TMED10: variants seen among roughly 807,000 people sequenced by gnomAD.
TMED10 encodes transmembrane emp24 domain-containing protein 10.
A neutral mutation model predicts 23.1 loss-of-function variants in TMED10; 7 were observed. The observed-to-expected ratio is 0.30, with a 90% confidence interval of 0.17 to 0.57. The LOEUF is 0.57. Among genes scored for constraint, TMED10 ranks in the 20% least tolerant of loss-of-function variants. TMED10 has a pLI of 0.91. For missense variants in TMED10, 162 were observed against 274.8 expected, an observed-to-expected ratio of 0.59 and a Z score of 2.90; for synonymous variants, 113 against 106.9, an observed-to-expected ratio of 1.06 and a Z score of -0.35.
At chr14:75,166,762 T>C (rs1454468808) in intron 1 of TMED10, among the ~76,000 whole-genome samples, 11 of 152,196 alleles carry the variant, frequency 7.2e-5, no homozygotes, top group African/African-American at 2.7e-4. Flanking sequence ...CCTTCTGTAC[T>C]GAACCATCTA....
chr14:75,146,256 C>T (rs1468821088), intron 3 of TMED10, among the ~76,000 whole-genome samples: 2 of 152,194 alleles, frequency 1.3e-5, no homozygotes, highest in South Asian at 2.1e-4. Flanking sequence ...AGGATTTGAA[C>T]AAGGAAAGAG....
chr14:75,133,050 AT>A lies in TMED10; in HGVS notation c.*1834del, dbSNP rs1459790036. The A allele has an allele frequency of 6.6e-6, 1 of 152,220 alleles. No homozygotes were observed. Among genetic ancestry groups the A allele is most frequent in the African/African-American group, 2.4e-5 (1 of 41,470 alleles). 9.4% of individuals were successfully genotyped at this position (152,220 alleles called of 1,614,324 possible). On this transcript the variant is annotated 3_prime_UTR_variant, in exon 5 of 5. Transcript: ENST00000303575. ...TACAGTGATTATTGGCTTTGCTTTC[AT>A]AACATGTATTTTTAAGTATTTACTC...
Position 75,150,367 on chromosome 14 carries a change from C to T in TMED10, c.337+1665G>A, listed in dbSNP as rs77443909. On this transcript the variant is annotated intron_variant, in intron 2 of 4. Coordinates refer to ENST00000303575, the MANE Select transcript of TMED10 (RefSeq NM_006827.6). ...CTTCCTCATTGAAAAAGTTGTGAAACTTAAGCAGTTCACAGCCCCACCTGG... is the reference window on the plus strand; with the variant it reads ...CTTCCTCATTGAAAAAGTTGTGAAATTTAAGCAGTTCACAGCCCCACCTGG... Among the ~76,000 whole-genome samples the T allele has an allele frequency of 2.9e-3, 447 of 152,266 alleles. 1 individual carries two copies. Among genetic ancestry groups the T allele is most frequent in the African/African-American group, 0.01 (433 of 41,538 alleles).
At chr14:75,153,777 C>CT (rs59328978) in intron 1 of TMED10, among the ~76,000 whole-genome samples, 54 of 131,756 alleles carry the variant, frequency 4.1e-4, no homozygotes, top group African/African-American at 9.9e-4. Context: ...TTTTTTTTCC[C>CT]TTTTTTTTTT....
intron 3 of TMED10, among the ~76,000 whole-genome samples, chr14:75,145,004 G>A (rs1895865358): frequency 6.6e-6 from 1 of 152,210 alleles, no homozygotes; most frequent in Non-Finnish European, 1.5e-5. Context: ...CCTTGCTGCA[G>A]ACTGAAGAAA....
chr14:75,143,240 T>C (rs1404156126), intron 3 of TMED10, among the ~76,000 whole-genome samples: 2 of 152,188 alleles, frequency 1.3e-5, no homozygotes, highest in Non-Finnish European at 2.9e-5. Context: ...TTACTGGTCA[T>C]GGTAGGTACT....
chr14:75,135,822 T>G lies in TMED10; in HGVS notation c.476A>C (p.Glu159Ala). Residue 159 changes from glutamate (E) to alanine (A), a missense_variant, in exon 4 of 5, where the codon GAA (glutamate) becomes GCA (alanine). Glu to Ala is a moderately radical substitution (Grantham distance 107, BLOSUM62 -1). Coordinates refer to ENST00000303575, the MANE Select transcript of TMED10 (RefSeq NM_006827.6). ...VELRRLEDLSESIVNDFAYMK... is the reference protein window; with the variant it reads ...VELRRLEDLSASIVNDFAYMK... The stretch of plus-strand genomic sequence containing the variant: ...GTAGGCAAAATCATTAACAATAGAT[T>G]CTGAAAGGTCTTCTAGGCGTCGCAG... 1.2e-6 allele frequency: 2 copies of G among 1,614,166 alleles called. No homozygotes were observed. The highest frequency in any genetic ancestry group is 1.7e-6 in the Non-Finnish European group (2 of 1,180,032).
At chr14:75,147,893 G>T in intron 2 of TMED10, 156 bp from the exon 3 acceptor site, 1 of 684,002 alleles carries the variant, frequency 1.5e-6, no homozygotes, top group Non-Finnish European at 2.5e-6. Context: ...AAAATTCCTG[G>T]CTCTGGCTAA....
intron 1 of TMED10, among the ~76,000 whole-genome samples, chr14:75,168,810 T>C (rs1254912704): frequency 6.6e-6 from 1 of 152,058 alleles, no homozygotes; most frequent in Non-Finnish European, 1.5e-5. Flanking sequence ...CAAAGATGAG[T>C]AAGACATTAA....
chr14:75,153,978 G>T (rs551758360), intron 1 of TMED10, among the ~76,000 whole-genome samples: 5 of 151,058 alleles, frequency 3.3e-5, no homozygotes, highest in Non-Finnish European at 7.4e-5. Context: ...CCCTGTGTTG[G>T]CCAGGATGGT....
chr14:75,160,906 T>C (rs1896077727), intron 1 of TMED10, among the ~76,000 whole-genome samples: 1 of 151,976 alleles, frequency 6.6e-6, no homozygotes, highest in Non-Finnish European at 1.5e-5. Flanking sequence ...TAGCCGGGCA[T>C]GGTGGCAGGC....
intron 2 of TMED10, among the ~76,000 whole-genome samples, chr14:75,151,663 T>TTCC (rs1895957418): frequency 6.6e-6 from 1 of 152,236 alleles, no homozygotes; most frequent in Non-Finnish European, 1.5e-5. Flanking sequence ...AGTGGTACAT[T>TTCC]CATTACAAAT....
Position 75,152,127 on chromosome 14 carries a change from C to T in TMED10, c.242G>A (p.Gly81Asp). ...ATCCTCTTTGGAGTAGAGAATATGG[C>T]CAGCAGAATCTGTGATCTAAAATAA... ...RSHLKITDSA[G>D]HILYSKEDAT... The change falls in exon 2 of 5, where the codon GGC becomes GAC. Residue 81 changes from glycine to aspartate, a missense_variant. Transcript: ENST00000303575. 4 of 1,613,526 alleles carry T rather than the reference C, an allele frequency of 2.5e-6. No individual in the cohort carries two copies. Among genetic ancestry groups the T allele is most frequent in the Non-Finnish European group, 3.4e-6 (4 of 1,179,766 alleles).
At chr14:75,148,035 C>CA in intron 2 of TMED10, 1 of 453,314 alleles carries the variant, frequency 2.2e-6, no homozygotes, top group Non-Finnish European at 4.1e-6. Context: ...AGGAACAGAA[C>CA]AGAAGGGAAA....
chr14:75,175,239 G>C (rs1896288817), intron 1 of TMED10, among the ~76,000 whole-genome samples: 1 of 151,944 alleles, frequency 6.6e-6, no homozygotes, highest in Non-Finnish European at 1.5e-5. Flanking sequence ...CTACAAAACA[G>C]AATCAAACTG....
rs377426199 is a variant in TMED10, at chr14:75,163,531, C to G, written c.226-11388G>C. Among the ~76,000 whole-genome samples, 35 of 116,684 alleles carry G rather than the reference C, an allele frequency of 3.0e-4. 1 individual carries two copies. The East Asian group carries it at 8.9e-3, about 30-fold the overall frequency. The allele number at this position is 116,684 out of a possible 152,430, so 76.5% of individuals were successfully genotyped here. On this transcript the variant is annotated intron_variant, in intron 1 of 4. Coordinates refer to ENST00000303575, the MANE Select transcript of TMED10 (RefSeq NM_006827.6). ...TCTCGCCACTGCACTCCAGCCTGGG[C>G]GACAGAGTGAGACTCCGTATCAAAA... is the stretch of plus-strand genomic sequence containing the variant.
intron 4 of TMED10, among the ~76,000 whole-genome samples, 158 bp from the exon 5 acceptor site, chr14:75,135,164 C>G (rs928358412): frequency 1.3e-5 from 2 of 152,114 alleles, no homozygotes; most frequent in African/African-American, 4.8e-5. Context: ...AGTTCATTAT[C>G]CTGGCTGGGC....
At chr14:75,165,766 T>G (rs908257004) in intron 1 of TMED10, among the ~76,000 whole-genome samples, 5 of 152,220 alleles carry the variant, frequency 3.3e-5, no homozygotes, top group Non-Finnish European at 7.3e-5. Flanking sequence ...TTCAAATTTC[T>G]AGTACAGTTC....
At chr14:75,154,429 A>AAAAAAAAAAAAAAC (rs1895996428) in intron 1 of TMED10, among the ~76,000 whole-genome samples, 1 of 147,104 alleles carries the variant, frequency 6.8e-6, no homozygotes, top group Non-Finnish European at 1.5e-5. Flanking sequence ...AAAAAAAAAA[A>AAAAAAAAAAAAAAC]AGGCATGTAT....
Sources: gnomAD v4.1 joint callset for allele counts (sites outside exome capture counted in the v4.1 genomes callset) on GRCh38, gnomAD v4.1.1 for gene constraint, MANE v1.5 for transcripts, NCBI Gene and HGNC (gene_info 2026-07-23, HGNC 2026-07-21) for gene names.